CLTB: variants seen among roughly 807,000 people sequenced by gnomAD.
CLTB encodes the protein clathrin, light chain (Lcb).
CLTB carries 10 observed loss-of-function variants against 30.5 expected under a neutral mutation model. That is an observed-to-expected ratio of 0.33 (90% CI 0.20 to 0.56). The LOEUF (loss-of-function observed/expected upper bound fraction) is 0.56. CLTB is among the 20% of genes least tolerant of loss of function. CLTB has a pLI of 0.91. For missense variants in CLTB, 261 were observed against 308.3 expected (o/e 0.85, Z 1.15); for synonymous variants, 102 against 120.3 (o/e 0.85, Z 1.00).
chr5:176,413,205 C>T (rs1757534633), intron 1 of CLTB, among the ~76,000 whole-genome samples: 1 of 152,194 alleles, frequency 6.6e-6, no homozygotes, highest in Admixed American at 6.5e-5. Context: ...CAGAACAGGA[C>T]TGAGACAGAG....
At chr5:176,415,119 A>C (rs1399436267) in intron 1 of CLTB, among the ~76,000 whole-genome samples, 1 of 152,216 alleles carries the variant, frequency 6.6e-6, no homozygotes, top group Non-Finnish European at 1.5e-5. Flanking sequence ...CATTCTTGCT[A>C]GCCAGAACCA....
intron 2 of CLTB, among the ~76,000 whole-genome samples, chr5:176,403,670 TC>T (rs907739948): frequency 6.6e-6 from 1 of 151,816 alleles, no homozygotes; most frequent in Non-Finnish European, 1.5e-5. Flanking sequence ...TCCAGGCTGG[TC>T]TTGAACTCCT....
Position 176,392,823 on chromosome 5 carries a change from C to T in CLTB, c.641G>A (p.Arg214His). 1.2e-6 allele frequency: 2 copies of T among 1,614,210 alleles called. No homozygotes were observed. The highest frequency in any genetic ancestry group is 1.7e-6 in the Non-Finnish European group (2 of 1,180,028). ...KSSKQCKDVS[R>H]LRSVLMSLKQ... ...CAGGGACATGAGCACCGAGCGCAGG[C>T]GGGACACATCTTTGCACTGCTTGCT... Residue 214 changes from arginine (R) to histidine (H), a missense_variant, in exon 6 of 6, where the codon CGC (arginine) becomes CAC (histidine). Coordinates refer to ENST00000310418, the MANE Select transcript of CLTB (RefSeq NM_007097.5). This position sits in a 1 kb window ranked among gnomAD's most constrained non-coding sequence, Gnocchi z 5.2.
chr5:176,394,555 T>A (rs111825432), intron 5 of CLTB, among the ~76,000 whole-genome samples: 34 of 151,692 alleles, frequency 2.2e-4, no homozygotes, highest in Admixed American at 6.6e-4. Context: ...CGGTGGCTCA[T>A]GCCTGTAATC....
chr5:176,400,639 A>T (rs1209040089), intron 2 of CLTB, among the ~76,000 whole-genome samples: 1 of 151,336 alleles, frequency 6.6e-6, no homozygotes, highest in Non-Finnish European at 1.5e-5. Flanking sequence ...CAGGCATCCC[A>T]CTCCAGCTAC....
intron 2 of CLTB, chr5:176,406,128 G>A (rs1263858913): frequency 8.1e-6 from 8 of 982,244 alleles, no homozygotes; most frequent in South Asian, 4.7e-5. Context: ...ACAGTGTCAC[G>A]GGCCACAACT....
chr5:176,410,234 T>A, intron 2 of CLTB, 23 bp downstream of exon 2: 12 of 1,612,208 alleles, frequency 7.4e-6, no homozygotes, highest in Non-Finnish European at 1.0e-5. Context: ...TCCTTACCAC[T>A]GCTGAGACAG....
chr5:176,396,477 A>G lies in CLTB; in HGVS notation c.518+2T>C, dbSNP rs748649397. The G allele has an allele frequency of 1.9e-6, 3 of 1,613,474 alleles. No homozygotes were observed. The highest frequency in any genetic ancestry group is 2.7e-5 in the African/African-American group (2 of 74,918). ...CAACAGAGAAGCAAAACAGACACGT[A>G]CACGTAGCCGATGATATCAGCATCT... On this transcript the variant is annotated splice_donor_variant, in intron 5 of 5. Transcript: ENST00000310418. LOFTEE classifies it high-confidence loss of function.
chr5:176,397,639 A>G lies in CLTB; in HGVS notation c.432T>C (p.Ser144=), dbSNP rs1263902574. The stretch of plus-strand genomic sequence containing the variant: ...TGATCTTGTTCTTCTCTACTTGTTC[A>G]CTCTGGCGCTGGTTCCACTCCTCCA... ...KDLEEWNQRQ[S]EQVEKNKINN... The change falls in exon 4 of 6, where the codon AGT becomes AGC. Residue 144 remains serine, a synonymous_variant. Coordinates refer to ENST00000310418, the MANE Select transcript of CLTB (RefSeq NM_007097.5). 1 of 1,603,706 alleles carries G rather than the reference A, an allele frequency of 6.2e-7. No individual in the cohort carries two copies. The highest frequency in any genetic ancestry group is 8.5e-7 in the Non-Finnish European group (1 of 1,178,202).
chr5:176,403,457 G>GTT lies in CLTB; in HGVS notation c.235-5412_235-5411dup, dbSNP rs149404509. On this transcript the variant is annotated intron_variant, in intron 2 of 5. Transcript: ENST00000310418. The stretch of plus-strand genomic sequence containing the variant: ...TTGTTTTTTGGTGTTTTTTTGTTTT[G>GTT]TTTTTTTTCTTTTTTGAGATGGAGT... Among the ~76,000 whole-genome samples, 3 of 147,660 alleles carry GTT rather than the reference G, an allele frequency of 2.0e-5. No individual in the cohort carries two copies. In the South Asian group the frequency reaches 6.4e-4, roughly 32 times the overall value.
chr5:176,402,901 G>T (rs949285948), intron 2 of CLTB, among the ~76,000 whole-genome samples: 5 of 152,174 alleles, frequency 3.3e-5, no homozygotes, highest in African/African-American at 7.2e-5. Flanking sequence ...GCCAGCACGT[G>T]TAAGAATCAC....
intron 4 of CLTB, 41 bp from the exon 5 acceptor site, chr5:176,396,573 GC>G: frequency 6.7e-7 from 1 of 1,497,320 alleles, no homozygotes; most frequent in African/African-American, 1.4e-5. Flanking sequence ...GTGGGGGAAG[GC>G]AGATGGCAAG....
intron 2 of CLTB, among the ~76,000 whole-genome samples, chr5:176,400,987 G>A (rs1241259174): frequency 4.7e-4 from 71 of 152,202 alleles, no homozygotes; most frequent in Admixed American, 4.6e-3. Flanking sequence ...GGCAGGCCAG[G>A]ACAGGGGTGC....
chr5:176,400,298 T>C (rs1010388840), intron 2 of CLTB, among the ~76,000 whole-genome samples: 1 of 152,208 alleles, frequency 6.6e-6, no homozygotes, highest in African/African-American at 2.4e-5. Flanking sequence ...GTGAGATATT[T>C]AGAAGAGTGC....
In CLTB at chr5:176,392,798, C is replaced by G; in HGVS notation, c.666G>C (p.Leu222=). 6.2e-7 allele frequency: 1 copy of G among 1,614,222 alleles called. No individual in the cohort carries two copies. The highest frequency in any genetic ancestry group is 8.5e-7 in the Non-Finnish European group (1 of 1,180,034). The part of the protein sequence containing the change: ...VSRLRSVLMS[L]KQTPLSR ...CCTAGCGGGACAGTGGCGTCTGCTT[C>G]AGGGACATGAGCACCGAGCGCAGGC... The change falls in exon 6 of 6, where the codon CTG becomes CTC. Residue 222 remains leucine (L), a synonymous_variant. Coordinates refer to ENST00000310418, the MANE Select transcript of CLTB (RefSeq NM_007097.5). The surrounding 1 kb of genome is among the most constrained non-coding windows in gnomAD (Gnocchi z 5.2).
In CLTB at chr5:176,406,490, C is replaced by A. The variant is rs1355819128; in HGVS notation, c.234+3767G>T. 3.3e-6 allele frequency: 4 copies of A among 1,207,142 alleles called. No individual in the cohort carries two copies. The African/African-American group carries it at 6.4e-5, about 19-fold the overall frequency. The allele number at this position is 1,207,142 out of a possible 1,614,324, so 74.8% of individuals were successfully genotyped here. A position where few individuals can be genotyped will look rare whatever the true frequency, so the allele number is the denominator to read the frequency against. ...ATTGATCAGCTAAATCTAAGCTAAG[C>A]TGAGCTGCTGATTCCTCTAAGAAGC... On this transcript the variant is annotated intron_variant, in intron 2 of 5. Coordinates refer to ENST00000310418, the MANE Select transcript of CLTB (RefSeq NM_007097.5).
At chr5:176,412,954 C>T (rs560642670) in intron 1 of CLTB, among the ~76,000 whole-genome samples, 1 of 152,256 alleles carries the variant, frequency 6.6e-6, no homozygotes, top group Middle Eastern at 3.4e-3. Flanking sequence ...ATTTGCACCA[C>T]CCTACTCCGC....
intron 1 of CLTB, among the ~76,000 whole-genome samples, chr5:176,411,931 C>CT (rs1387256053): frequency 6.6e-6 from 1 of 152,020 alleles, no homozygotes; most frequent in Non-Finnish European, 1.5e-5. Flanking sequence ...AATCCCAGCA[C>CT]TTTGGGAGGC....
chr5:176,397,573 C>T (rs1168271725), intron 4 of CLTB, 34 bp downstream of exon 4: 1 of 1,473,608 alleles, frequency 6.8e-7, no homozygotes, highest in African/African-American at 1.5e-5. Flanking sequence ...CCTCATGTCC[C>T]CATGGCCCCC....
Sources: allele counts gnomAD v4.1 joint callset (sites outside exome capture counted in the v4.1 genomes callset), GRCh38; gene constraint gnomAD v4.1.1; non-coding constraint Gnocchi (gnomAD v3.1); transcripts MANE v1.5; gene names NCBI Gene and HGNC (gene_info 2026-07-23, HGNC 2026-07-21).